Variants in ENPP7 observed in about 807,000 individuals in gnomAD.
ENPP7 encodes the protein ectonucleotide pyrophosphatase/phosphodiesterase 7, also known as ectonucleotide pyrophosphatase/phosphodiesterase family member 7.
Under a neutral mutation model 33.6 loss-of-function variants are expected in ENPP7, and 39 were observed. The ratio of observed to expected loss-of-function variants is 1.16; its 90% CI spans 0.90 to 1.52. ENPP7 has a LOEUF of 1.52. Ranked by LOEUF, ENPP7 falls within the 40% of genes most tolerant of loss-of-function variation. The probability of loss-of-function intolerance (pLI) is 0.00; values close to 1 mark genes in which losing one functional copy is unlikely to be tolerated. For synonymous variants in ENPP7, 244 were observed against 274.3 expected (o/e 0.89, Z 1.09); for missense variants, 594 against 641.0 (o/e 0.93, Z 0.79).
At chr17:79,734,726 C>T (rs549131273) in intron 2 of ENPP7, among the ~76,000 whole-genome samples, 5 of 152,174 alleles carry the variant, frequency 3.3e-5, no homozygotes, top group African/African-American at 9.7e-5. Flanking sequence ...GATCCACCCG[C>T]CTTGGCCTCC....
chr17:79,739,992 G>A lies in ENPP7; in HGVS notation c.*17-1802G>A, dbSNP rs1555824299. On this transcript the variant is annotated intron_variant, in intron 5 of 5. Transcript: ENST00000328313. The surrounding 1 kb of genome is among the most constrained non-coding windows in gnomAD (Gnocchi z 4.4). Reference sequence around the variant, plus strand: ...GGATCGCTTGAGCCCAGGAGTTCAAGACCAGCCTTGGCAATATAGTTAGAC... The same window carrying A: ...GGATCGCTTGAGCCCAGGAGTTCAAAACCAGCCTTGGCAATATAGTTAGAC... 6.6e-6 allele frequency among the ~76,000 whole-genome samples: 1 copy of A among 152,214 alleles called. No homozygotes were observed. Among genetic ancestry groups the A allele is most frequent in the African/African-American group, 2.4e-5 (1 of 41,460 alleles).
chr17:79,735,336 G>A lies in ENPP7; in HGVS notation c.693G>A (p.Ala231=), dbSNP rs1317957260. The part of the protein sequence containing the change: ...RTVGYLRESI[A]RNHLTDRLNL... ...TGGGCTACCTCCGGGAGAGCATCGC[G>A]CGCAACCACCTCACAGACCGCCTCA... The change falls in exon 3 of 6, where the codon GCG becomes GCA. Residue 231 remains alanine, a synonymous_variant. Transcript: ENST00000328313. The surrounding 1 kb of genome is among the most constrained non-coding windows in gnomAD (Gnocchi z 5.5). 39 of 1,613,590 alleles carry A rather than the reference G, an allele frequency of 2.4e-5. No individual in the cohort carries two copies. Among genetic ancestry groups the A allele is most frequent in the South Asian group, 2.0e-4 (18 of 91,074 alleles).
intron 3 of ENPP7, among the ~76,000 whole-genome samples, chr17:79,736,755 G>A (rs13342087): frequency 0.055 from 8,384 of 152,274 alleles, 589 homozygotes; most frequent in East Asian, 0.37. Context: ...GGGAGGCAGC[G>A]TTCAACACCG....
intron 1 of ENPP7, among the ~76,000 whole-genome samples, chr17:79,732,121 C>CATATATATATATATACATATATACAT: frequency 4.1e-5 from 2 of 48,792 alleles, no homozygotes; most frequent in African/African-American, 1.4e-4. Flanking sequence ...TATATATATA[C>CATATATATATATATACATATATACAT]ATATATATAT....
intron 3 of ENPP7, among the ~76,000 whole-genome samples, chr17:79,736,536 CGTGTGTGTGTGTGTGTGTGT>C (rs58744239): frequency 1.4e-5 from 2 of 146,010 alleles, no homozygotes; most frequent in African/African-American, 5.0e-5. Context: ...GTGTGATAGG[CGTGTGTGTGTGTGTGTGTGT>C]GTGTGTGTGT....
rs147024950 is a variant in ENPP7 at position 79,731,221 on chromosome 17, G to A, written c.82G>A (p.Gly28Ser). The A allele has an allele frequency of 1.9e-6, 3 of 1,612,652 alleles. No homozygotes were observed. Among genetic ancestry groups the A allele is most frequent in the Non-Finnish European group, 1.7e-6 (2 of 1,179,956 alleles). Residue 28 changes from glycine to serine, a missense_variant, in exon 1 of 6, where the codon GGC becomes AGC. Physicochemically the swap from Gly to Ser is moderately conservative, Grantham distance 56. Coordinates refer to ENST00000328313, the MANE Select transcript of ENPP7 (RefSeq NM_178543.5). ...PGAGAPVQSQ[G>S]SQNKLLLVSF... ...GGCCGGAGCACCGGTACAAAGTCAG[G>A]GCTCCCAGAACAAGCTGCTCCTGGT...
chr17:79,734,524 C>A (rs1246047199), intron 2 of ENPP7, among the ~76,000 whole-genome samples: 1 of 148,212 alleles, frequency 6.7e-6, no homozygotes, highest in Non-Finnish European at 1.5e-5. Context: ...GTCGCCCAGG[C>A]TGGAGTGCAG....
chr17:79,734,615 C>T (rs1340363300), intron 2 of ENPP7, among the ~76,000 whole-genome samples: 10 of 151,862 alleles, frequency 6.6e-5, no homozygotes, highest in Admixed American at 4.6e-4. Flanking sequence ...GTAACTGGGA[C>T]TACAGGCGCC....
rs145186981 is a variant in ENPP7, at chr17:79,735,607, G to A, written c.964G>A (p.Ala322Thr). The A allele has an allele frequency of 2.9e-4, 461 of 1,613,576 alleles. No individual in the cohort carries two copies. The highest frequency in any genetic ancestry group is 3.6e-4 in the Non-Finnish European group (430 of 1,180,000). Reference sequence around the variant, plus strand: ...GGCGTTCCCCGAGGCCTTCCACTACGCCAACAACCCCAGGGTCACACCCCT... The same window carrying A: ...GGCGTTCCCCGAGGCCTTCCACTACACCAACAACCCCAGGGTCACACCCCT... ...KEAFPEAFHY[A>T]NNPRVTPLLM... Residue 322 changes from alanine to threonine, a missense_variant, in exon 3 of 6, where the codon GCC becomes ACC. By Grantham distance (58) the Ala-to-Thr change is moderately conservative. Transcript: ENST00000328313. The surrounding 1 kb of genome is among the most constrained non-coding windows in gnomAD (Gnocchi z 5.5).
chr17:79,732,111 T>TAC (rs1174424402), intron 1 of ENPP7, among the ~76,000 whole-genome samples: 1 of 69,680 alleles, frequency 1.4e-5, no homozygotes, highest in Non-Finnish European at 3.0e-5. Flanking sequence ...TATATATACA[T>TAC]ATATATATAC....
Position 79,737,179 on chromosome 17 carries a change from G to T in ENPP7, c.1165G>T (p.Glu389Ter). The T allele has an allele frequency of 6.2e-7, 1 of 1,613,614 alleles. No homozygotes were observed. The highest frequency in any genetic ancestry group is 8.5e-7 in the Non-Finnish European group (1 of 1,180,018). Residue 389 changes from glutamate (E) to a stop codon, truncating the protein, a stop_gained, in exon 4 of 6, where the codon GAG becomes TAG. Transcript: ENST00000328313. LOFTEE classifies it high-confidence loss of function. This position sits in a 1 kb window ranked among gnomAD's most constrained non-coding sequence, Gnocchi z 5.5. ...GCCCTTTGAGAGCGTCCACGTGTAC[G>T]AGCTCATGTGCCGGCTGCTGGGCAT... ...VEPFESVHVY[E>*]LMCRLLGIVP...
chr17:79,734,537 G>T (rs1358736351), intron 2 of ENPP7, among the ~76,000 whole-genome samples: 1 of 151,552 alleles, frequency 6.6e-6, no homozygotes, highest in Non-Finnish European at 1.5e-5. Context: ...GAGTGCAGTG[G>T]CGCCATCTCC....
At chr17:79,734,773 C>T (rs1416067637) in intron 2 of ENPP7, among the ~76,000 whole-genome samples, 3 of 152,150 alleles carry the variant, frequency 2.0e-5, no homozygotes, top group African/African-American at 4.8e-5. Flanking sequence ...CCACTGCGCC[C>T]GGCCTCTGGG....
rs782213260 is a variant in ENPP7 at position 79,737,989 on chromosome 17, G to T, written c.1320G>T (p.Arg440Ser). 6.4e-5 allele frequency: 103 copies of T among 1,613,302 alleles called. 1 individual carries two copies. Among genetic ancestry groups the T allele is most frequent in the Non-Finnish European group, 8.1e-5 (95 of 1,179,800 alleles). ...KGRSALPPSS[R>S]PLLVMGLLGT... ...GATCTGCTCTCCCGCCCAGCAGCAG[G>T]CCCCTCCTCGTGATGGGACTGCTGG... The change falls in exon 5 of 6, where the codon AGG (arginine) becomes AGT (serine). Residue 440 changes from arginine (R) to serine (S), a missense_variant. This residue lies in a region of ENPP7 where 504 missense variants were observed against 512.8 expected (regional missense o/e 0.98). Transcript: ENST00000328313. This position sits in a 1 kb window ranked among gnomAD's most constrained non-coding sequence, Gnocchi z 5.5.
Position 79,737,026 on chromosome 17 carries a change from C to T in ENPP7, c.1027-15C>T, listed in dbSNP as rs1282327891. 5 of 1,612,676 alleles carry T rather than the reference C, an allele frequency of 3.1e-6. No individual in the cohort carries two copies. The highest frequency in any genetic ancestry group is 4.2e-6 in the Non-Finnish European group (5 of 1,179,088). On this transcript the variant is annotated splice_polypyrimidine_tract_variant and intron_variant, in intron 3 of 5. Coordinates refer to ENST00000328313, the MANE Select transcript of ENPP7 (RefSeq NM_178543.5). The surrounding 1 kb of genome is among the most constrained non-coding windows in gnomAD (Gnocchi z 5.5). ...TCCCAGCAAGGACCCAGGACCCTTG[C>T]CCGCTCCCCGGCAGAGAATTAACGT...
At position 79,735,138 on chromosome 17, in the gene ENPP7, C is replaced by T; in HGVS notation, c.495C>T (p.Asn165=). 6.2e-7 allele frequency: 1 copy of T among 1,613,192 alleles called. No individual in the cohort carries two copies. The highest frequency in any genetic ancestry group is 8.5e-7 in the Non-Finnish European group (1 of 1,180,028). ...GCCGGAAAGAAGGCATCGCACACAA[C>T]TACAAAAATGAGACGGAGTGGAGAG... is the stretch of plus-strand genomic sequence containing the variant. ...TRSRKEGIAH[N]YKNETEWRAN... is the part of the protein sequence containing the mutation. Residue 165 remains asparagine (N), a synonymous_variant, in exon 3 of 6, where the codon AAC becomes AAT. Coordinates refer to ENST00000328313, the MANE Select transcript of ENPP7 (RefSeq NM_178543.5). The surrounding 1 kb of genome is among the most constrained non-coding windows in gnomAD (Gnocchi z 5.5).
At chr17:79,736,980 T>C in intron 3 of ENPP7, 61 bp from the exon 4 acceptor site, 1 of 1,433,352 alleles carries the variant, frequency 7.0e-7, no homozygotes. Context: ...GTGGATAGGG[T>C]AGGCGGAGAG....
rs1555823937 is a variant in ENPP7 at position 79,737,828 on chromosome 17, G to A, written c.1247-88G>A. ...GAAAGAGGAAGGAGGGGCTCGTGGG[G>A]ACCAACAGAGGACCCCGAGTTTACT... is the stretch of plus-strand genomic sequence containing the variant. On this transcript the variant is annotated intron_variant, in intron 4 of 5. Transcript: ENST00000328313. This position sits in a 1 kb window ranked among gnomAD's most constrained non-coding sequence, Gnocchi z 5.5. The A allele has an allele frequency of 8.3e-6, 12 of 1,451,142 alleles. No homozygotes were observed. The highest frequency in any genetic ancestry group is 7.6e-6 in the Non-Finnish European group (8 of 1,045,980). 89.9% of individuals were successfully genotyped at this position (1,451,142 alleles called of 1,614,324 possible).
chr17:79,732,496 G>T (rs1327643148), intron 1 of ENPP7, among the ~76,000 whole-genome samples: 1 of 152,004 alleles, frequency 6.6e-6, no homozygotes, highest in Non-Finnish European at 1.5e-5. Flanking sequence ...AGGCCAGAAG[G>T]CCAAACCCAG....
Sources: allele counts gnomAD v4.1 joint callset (sites outside exome capture counted in the v4.1 genomes callset), GRCh38; gene constraint gnomAD v4.1.1; regional missense constraint gnomAD v4.1.1; non-coding constraint Gnocchi (gnomAD v3.1); transcripts MANE v1.5; gene names NCBI Gene and HGNC (gene_info 2026-07-23, HGNC 2026-07-21).